CFAP44: variants seen among roughly 807,000 people sequenced by gnomAD.
CFAP44 encodes cilia- and flagella-associated protein 44.
Under a neutral mutation model 216.2 loss-of-function variants are expected in CFAP44, and 134 were observed. The ratio of observed to expected loss-of-function variants is 0.62; its 90% confidence interval spans 0.54 to 0.72. The LOEUF is 0.72. CFAP44 is among the 30% of genes least tolerant of loss of function. The pLI is 0.00. For synonymous variants in CFAP44, 700 were observed against 727.6 expected, an observed-to-expected ratio of 0.96 and a Z score of 0.61; for missense variants, 2,035 against 2,182.1, an observed-to-expected ratio of 0.93 and a Z score of 1.34.
In CFAP44 at chr3:113,328,726, AAAC is replaced by A. The variant is rs1416025710; in HGVS notation, c.4117-910_4117-908del. Among the ~76,000 whole-genome samples the A allele has an allele frequency of 2.5e-4, 35 of 140,214 alleles. 1 individual carries two copies. The highest frequency in any genetic ancestry group is 5.2e-4 in the African/African-American group (19 of 36,786). The allele number at this position is 140,214 out of a possible 152,430, so 92.0% of individuals were successfully genotyped here. On this transcript the variant is annotated intron_variant, in intron 26 of 34. Transcript: ENST00000393845. ...AAAAAAAAAAAAAAAAAAAAAAAAA[AAAC>A]AGAGAGAGAAGAAAAAATTAAACTT... is the stretch of plus-strand genomic sequence containing the variant.
rs1034724594 is a variant in CFAP44, at chr3:113,358,982, TATC to T, written c.2935-110_2935-108del. The T allele has an allele frequency of 2.3e-6, 3 of 1,293,328 alleles. No homozygotes were observed. In the African/African-American group the frequency reaches 4.5e-5, roughly 19 times the overall value. The allele number at this position is 1,293,328 out of a possible 1,614,324, so 80.1% of individuals were successfully genotyped here. A position where few individuals can be genotyped will look rare whatever the true frequency, so the allele number is the denominator to read the frequency against. ...TGCTGCATCATAACTCTTCCCCAAATATCATAAACTCTGTCCATTACAAAAGAA... is the reference window on the plus strand; with the variant it reads ...TGCTGCATCATAACTCTTCCCCAAATATAAACTCTGTCCATTACAAAAGAA... On this transcript the variant is annotated intron_variant, in intron 21 of 34. Transcript: ENST00000393845.
At chr3:113,319,069 C>A (rs1950116863) in intron 28 of CFAP44, among the ~76,000 whole-genome samples, 1 of 151,884 alleles carries the variant, frequency 6.6e-6, no homozygotes, top group Non-Finnish European at 1.5e-5. Context: ...ATGACAGGAT[C>A]AAAAATCACA....
At chr3:113,313,055 G>C (rs1950054664) in intron 28 of CFAP44, among the ~76,000 whole-genome samples, 1 of 152,206 alleles carries the variant, frequency 6.6e-6, no homozygotes, top group Middle Eastern at 3.4e-3. Flanking sequence ...ACCCCAGAAT[G>C]GTAGATCCAC....
At chr3:113,327,475 A>G in intron 27 of CFAP44, 141 bp downstream of exon 27, 1 of 686,142 alleles carries the variant, frequency 1.5e-6, no homozygotes, top group Non-Finnish European at 2.3e-6. Flanking sequence ...TAGGAATAAC[A>G]GGAAAAAGGA....
At chr3:113,432,422 T>C (rs1935129776) in intron 2 of CFAP44, among the ~76,000 whole-genome samples, 1 of 152,242 alleles carries the variant, frequency 6.6e-6, no homozygotes, top group African/African-American at 2.4e-5. Flanking sequence ...AGTCAAGTAA[T>C]GCTAAAAGAC....
intron 22 of CFAP44, among the ~76,000 whole-genome samples, chr3:113,351,763 A>C (rs1448970529): frequency 1.3e-5 from 2 of 152,168 alleles, no homozygotes; most frequent in African/African-American, 2.4e-5. Flanking sequence ...GTCCCGTGAC[A>C]GCCATCTTGC....
In CFAP44 at chr3:113,358,821, T is replaced by G; in HGVS notation, c.2989A>C (p.Lys997Gln). ...AATTCCTTTTCCACTTGTTGAATTTTGAAAGCTGTTTTTCTGTGCATCTCA... is the reference window on the plus strand; with the variant it reads ...AATTCCTTTTCCACTTGTTGAATTTGGAAAGCTGTTTTTCTGTGCATCTCA... ...RAEMHRKTAF[K>Q]IQQVEKELAW... The change falls in exon 22 of 35, where the codon AAA becomes CAA. Residue 997 changes from lysine (K) to glutamine (Q), a missense_variant. Transcript: ENST00000393845. 6.5e-7 allele frequency: 1 copy of G among 1,536,958 alleles called. No individual in the cohort carries two copies. The highest frequency in any genetic ancestry group is 8.7e-7 in the Non-Finnish European group (1 of 1,146,642).
At chr3:113,313,754 T>G (rs1576543000) in intron 28 of CFAP44, among the ~76,000 whole-genome samples, 1 of 152,358 alleles carries the variant, frequency 6.6e-6, no homozygotes, top group Non-Finnish European at 1.5e-5. Flanking sequence ...CTTTCTCATT[T>G]TCTCTTGCCA....
intron 32 of CFAP44, among the ~76,000 whole-genome samples, chr3:113,301,840 T>C (rs1200941131): frequency 1.3e-5 from 2 of 152,324 alleles, no homozygotes; most frequent in East Asian, 3.9e-4. Context: ...TTAACTATAG[T>C]CATCATAGTA....
chr3:113,416,666 G>A, intron 5 of CFAP44, 39 bp from the exon 6 acceptor site: 3 of 1,413,508 alleles, frequency 2.1e-6, no homozygotes, highest in Non-Finnish European at 2.0e-6. Context: ...TTAAAAGAAA[G>A]ATTTTTGTAT....
chr3:113,348,766 C>T (rs1354476733), intron 22 of CFAP44, among the ~76,000 whole-genome samples: 1 of 152,182 alleles, frequency 6.6e-6, no homozygotes, highest in Non-Finnish European at 1.5e-5. Context: ...TTCTTCCTCT[C>T]TGATTTAAAG....
chr3:113,404,864 G>A (rs1210120641), intron 8 of CFAP44, among the ~76,000 whole-genome samples: 3 of 152,108 alleles, frequency 2.0e-5, no homozygotes, highest in African/African-American at 7.2e-5. Flanking sequence ...ATCCAAGCAA[G>A]GTGGCTCAAA....
At chr3:113,379,256 A>T (rs1392186878) in intron 17 of CFAP44, 50 bp downstream of exon 17, 3 of 1,328,092 alleles carry the variant, frequency 2.3e-6, no homozygotes, top group African/African-American at 3.0e-5. Flanking sequence ...CAATAACTAT[A>T]AACTATATTG....
intron 29 of CFAP44, 99 bp from the exon 30 acceptor site, chr3:113,306,430 T>TTAA: frequency 7.0e-7 from 1 of 1,422,480 alleles, no homozygotes; most frequent in South Asian, 1.3e-5. Context: ...TAATGTCTAT[T>TTAA]TATGGATCCA....
intron 34 of CFAP44, among the ~76,000 whole-genome samples, chr3:113,292,103 C>T (rs775214): frequency 0.69 from 104,582 of 151,998 alleles, 36,990 homozygotes; most frequent in Admixed American, 0.79. Flanking sequence ...CTTCTGTTTC[C>T]TCATCGGAGT....
intron 25 of CFAP44, among the ~76,000 whole-genome samples, chr3:113,332,084 T>C (rs1474503610): frequency 6.6e-6 from 1 of 152,198 alleles, no homozygotes; most frequent in Non-Finnish European, 1.5e-5. Context: ...TTTATTTTAA[T>C]AAAGCAAATT....
intron 21 of CFAP44, among the ~76,000 whole-genome samples, chr3:113,359,198 G>A (rs1374234380): frequency 1.3e-5 from 2 of 152,082 alleles, no homozygotes; most frequent in Non-Finnish European, 2.9e-5. Context: ...CATAAAAATT[G>A]GACATGAGGT....
At chr3:113,308,085 C>CA in intron 29 of CFAP44, 73 bp downstream of exon 29, 1 of 1,221,314 alleles carries the variant, frequency 8.2e-7, no homozygotes, top group South Asian at 1.6e-5. Flanking sequence ...ACAGAGAAAC[C>CA]AAAAAGGGTC....
intron 6 of CFAP44, among the ~76,000 whole-genome samples, chr3:113,411,880 A>G (rs1261286825): frequency 6.6e-6 from 1 of 151,686 alleles, no homozygotes; most frequent in African/African-American, 2.4e-5. Flanking sequence ...TTGGATTCCT[A>G]GGTATTTTAT....
Sources: allele counts gnomAD v4.1 joint callset (sites outside exome capture counted in the v4.1 genomes callset), GRCh38; gene constraint gnomAD v4.1.1; transcripts MANE v1.5; gene names NCBI Gene and HGNC (gene_info 2026-07-23, HGNC 2026-07-21).